The following OR7A17 variants were observed in gnomAD, a reference collection of about 807,000 sequenced individuals.
The protein encoded by OR7A17 is olfactory receptor 7A17.
For synonymous variants in OR7A17, 159 were observed against 142.1 expected (o/e 1.12, Z -0.85); for missense variants, 366 against 365.5 (o/e 1.00, Z -0.01).
In OR7A17 at chr19:14,885,450, T is replaced by A. The variant is rs138839973; in HGVS notation, c.-295+491A>T. Among the ~76,000 whole-genome samples the A allele has an allele frequency of 1.4e-4, 22 of 152,248 alleles. 1 individual carries two copies. The East Asian group carries it at 4.2e-3, about 29-fold the overall frequency. On this transcript the variant is annotated intron_variant, in intron 1 of 2. Transcript: ENST00000641113. ...AAAATCTCAGGATACAAAATCAATGTGCAAAAATCACAAGCATTCCTATAC... is the reference window on the plus strand; with the variant it reads ...AAAATCTCAGGATACAAAATCAATGAGCAAAAATCACAAGCATTCCTATAC...
At position 14,881,221 on chromosome 19, in the gene OR7A17, G is replaced by C; in HGVS notation, c.135C>G (p.Ile45Met). The change falls in exon 3 of 3, where the codon ATC becomes ATG. Residue 45 changes from isoleucine (I) to methionine (M), a missense_variant. Ile to Met is a conservative substitution (Grantham distance 10). Transcript: ENST00000641113. The part of the protein sequence containing the change: ...YLVTVLGNLL[I>M]ILATISDSHL... ...GGGAGTCTGAGATTGTGGCCAGGAT[G>C]ATGAGCAGATTCCCGAGCACAGTGA... The C allele has an allele frequency of 6.2e-7, 1 of 1,613,992 alleles. No homozygotes were observed. Among genetic ancestry groups the C allele is most frequent in the Non-Finnish European group, 8.5e-7 (1 of 1,179,978 alleles).
intron 1 of OR7A17, among the ~76,000 whole-genome samples, chr19:14,883,335 G>T (rs1170640265): frequency 6.6e-6 from 1 of 152,184 alleles, no homozygotes; most frequent in African/African-American, 2.4e-5. Context: ...AGCTACTCGG[G>T]GGGCTGAGGT....
At chr19:14,883,165 C>T (rs2045120428) in intron 1 of OR7A17, among the ~76,000 whole-genome samples, 1 of 152,210 alleles carries the variant, frequency 6.6e-6, no homozygotes, top group South Asian at 2.1e-4. Flanking sequence ...CCTGGCTGGG[C>T]ACCGTGGCTC....
chr19:14,885,296 G>A (rs2045130853), intron 1 of OR7A17, among the ~76,000 whole-genome samples: 1 of 152,180 alleles, frequency 6.6e-6, no homozygotes, highest in African/African-American at 2.4e-5. Context: ...GCAAGAGAAG[G>A]AAGTAAAGGG....
intron 1 of OR7A17, among the ~76,000 whole-genome samples, chr19:14,885,567 G>A (rs565233122): frequency 6.6e-6 from 1 of 152,214 alleles, no homozygotes; most frequent in South Asian, 2.1e-4. Flanking sequence ...AACCTACAAG[G>A]GATGTGAAGG....
In OR7A17 at chr19:14,880,559, T is replaced by C. The variant is rs1389874852; in HGVS notation, c.797A>G (p.His266Arg). 3.4e-5 allele frequency: 55 copies of C among 1,613,970 alleles called. 1 individual carries two copies. The highest frequency in any genetic ancestry group is 4.3e-5 in the Non-Finnish European group (51 of 1,180,026). Reference protein sequence around the residue: ...LGVYLTSAATHNSHTSATASV... With the variant: ...LGVYLTSAATRNSHTSATASV... Reference sequence around the variant, plus strand: ...GGCTGTTGCACTTGTGTGTGAGTTGTGGGTTGCAGCAGAAGTAAGGTACAC... The same window carrying C: ...GGCTGTTGCACTTGTGTGTGAGTTGCGGGTTGCAGCAGAAGTAAGGTACAC... The change falls in exon 3 of 3, where the codon CAC becomes CGC. Residue 266 changes from histidine (H) to arginine (R), a missense_variant. Transcript: ENST00000641113.
intron 1 of OR7A17, among the ~76,000 whole-genome samples, chr19:14,883,379 G>T (rs1397887863): frequency 2.0e-5 from 3 of 152,040 alleles, no homozygotes; most frequent in Non-Finnish European, 4.4e-5. Flanking sequence ...GGCGGAGGTT[G>T]CAGTGAGCTG....
In OR7A17 at chr19:14,881,413, GA is replaced by G. The variant is rs1340858348; in HGVS notation, c.-59del. On this transcript the variant is annotated 5_prime_UTR_variant, in exon 3 of 3. The change abolishes the stop of an existing upstream ORF in the 5' untranslated region. Transcript: ENST00000641113. ...ATTTATTTATTTATTTATTAACATA[GA>G]CAGGGTCTCTCACTCTGTTGCCAAC... 1 of 995,072 alleles carries G rather than the reference GA, an allele frequency of 1.0e-6. No homozygotes were observed. Among genetic ancestry groups the G allele is most frequent in the African/African-American group, 2.1e-5 (1 of 48,734 alleles). 61.6% of individuals were successfully genotyped at this position (995,072 alleles called of 1,614,324 possible).
Position 14,880,812 on chromosome 19 carries a change from T to A in OR7A17, c.544A>T (p.Asn182Tyr), listed in dbSNP as rs1409559942. 18 of 1,614,002 alleles carry A rather than the reference T, an allele frequency of 1.1e-5. No homozygotes were observed. Among genetic ancestry groups the A allele is most frequent in the Non-Finnish European group, 1.4e-5 (17 of 1,180,038 alleles). ...LEIPHFFCEL[N>Y]QVIHLACSDT... is the part of the protein sequence containing the mutation. ...GAACAGGCAAGGTGGATGACCTGAT[T>A]AAGTTCACAGAAAAAGTGGGGGATT... Residue 182 changes from asparagine (N) to tyrosine (Y), a missense_variant, in exon 3 of 3, where the codon AAT becomes TAT. By Grantham distance (143) the Asn-to-Tyr change is moderately radical. Transcript: ENST00000641113.
Position 14,880,259 on chromosome 19 carries a change from TA to T in OR7A17, c.*166del, listed in dbSNP as rs3833876. On this transcript the variant is annotated 3_prime_UTR_variant, in exon 3 of 3. Transcript: ENST00000641113. ...GGATATCAGAGAGCGGAAAGCTTTA[TA>T]AAGGAATACATTAAATTCTATGTCA... is the stretch of plus-strand genomic sequence containing the variant. 0.28 allele frequency: 118,654 copies of T among 426,178 alleles called. 18,196 individuals carry two copies. The highest frequency in any genetic ancestry group is 0.32 in the African/African-American group (15,089 of 47,858). 26.4% of individuals were successfully genotyped at this position (426,178 alleles called of 1,614,324 possible). A position where few individuals can be genotyped will look rare whatever the true frequency, so the allele number is the denominator to read the frequency against.
chr19:14,879,360 CA>C lies in OR7A17; in HGVS notation c.*1065del. ...CACTGCAACCTCCGTCTCCCGGGTT[CA>C]AACCATTCTCCTGCCTCAGTCTCCT... On this transcript the variant is annotated 3_prime_UTR_variant, in exon 3 of 3. Coordinates refer to ENST00000641113, the MANE Select transcript of OR7A17 (RefSeq NM_030901.2). The C allele has an allele frequency of 6.6e-6, 1 of 151,748 alleles. No homozygotes were observed. The highest frequency in any genetic ancestry group is 2.0e-4 in the East Asian group (1 of 5,042). The allele number at this position is 151,748 out of a possible 1,614,324, so 9.4% of individuals were successfully genotyped here. A position where few individuals can be genotyped will look rare whatever the true frequency, so the allele number is the denominator to read the frequency against.
In OR7A17 at chr19:14,881,154, A is replaced by G. The variant is rs1403334179; in HGVS notation, c.202T>C (p.Phe68Leu). Residue 68 changes from phenylalanine to leucine, a missense_variant, in exon 3 of 3, where the codon TTT (phenylalanine) becomes CTT (leucine). Transcript: ENST00000641113. ...GTGGAGATGAAACAGATGTCTGCAAAGGACAGGTTGGAGAGGAAGAAGTAC... is the reference window on the plus strand; with the variant it reads ...GTGGAGATGAAACAGATGTCTGCAAGGGACAGGTTGGAGAGGAAGAAGTAC... ...PMYFFLSNLS[F>L]ADICFISTTI... 6.2e-7 allele frequency: 1 copy of G among 1,614,006 alleles called. No individual in the cohort carries two copies. The highest frequency in any genetic ancestry group is 8.5e-7 in the Non-Finnish European group (1 of 1,180,036).
In OR7A17 at chr19:14,880,209, CAAAAAAAAA is replaced by C. The variant is rs3030635; in HGVS notation, c.*208_*216del. ...AAACATTGGGAAAGTAGGAAAATGA[CAAAAAAAAA>C]AAAAAAAAAAAGATTGGATATCAGA... On this transcript the variant is annotated 3_prime_UTR_variant, in exon 3 of 3. Coordinates refer to ENST00000641113, the MANE Select transcript of OR7A17 (RefSeq NM_030901.2). 9.9e-5 allele frequency: 17 copies of C among 172,118 alleles called. No homozygotes were observed. Among genetic ancestry groups the C allele is most frequent in the South Asian group, 3.6e-4 (2 of 5,492 alleles). 10.7% of individuals were successfully genotyped at this position (172,118 alleles called of 1,614,324 possible).
At position 14,879,631 on chromosome 19, in the gene OR7A17, A is replaced by G. The variant is rs2045096059; in HGVS notation, c.*795T>C. 2.0e-5 allele frequency: 3 copies of G among 152,210 alleles called. No individual in the cohort carries two copies. In the South Asian group the frequency reaches 6.2e-4, roughly 32 times the overall value. 9.4% of individuals were successfully genotyped at this position (152,210 alleles called of 1,614,324 possible). A position where few individuals can be genotyped will look rare whatever the true frequency, so the allele number is the denominator to read the frequency against. On this transcript the variant is annotated 3_prime_UTR_variant, in exon 3 of 3. Transcript: ENST00000641113. Reference sequence around the variant, plus strand: ...AGGCACGGTGGACACTGAACTGAATAGAGGACAGGACCCTAATGAGTAGGA... The same window carrying G: ...AGGCACGGTGGACACTGAACTGAATGGAGGACAGGACCCTAATGAGTAGGA...
intron 1 of OR7A17, among the ~76,000 whole-genome samples, chr19:14,882,929 T>A (rs2045119541): frequency 6.6e-6 from 1 of 152,230 alleles, no homozygotes; most frequent in Non-Finnish European, 1.5e-5. Context: ...ACCAGGCAAG[T>A]TGTCAATTTC....
rs1855725685 is a variant in OR7A17, at chr19:14,878,391, A to G, written c.*2035T>C. The G allele has an allele frequency of 6.6e-6, 1 of 152,246 alleles. No individual in the cohort carries two copies. The highest frequency in any genetic ancestry group is 2.4e-5 in the African/African-American group (1 of 41,470). 9.4% of individuals were successfully genotyped at this position (152,246 alleles called of 1,614,324 possible). A position where few individuals can be genotyped will look rare whatever the true frequency, so the allele number is the denominator to read the frequency against. On this transcript the variant is annotated 3_prime_UTR_variant, in exon 3 of 3. Transcript: ENST00000641113. ...AAGAGAGTTAGAGTATAAAAGAGACAAATGAACTGATGATAAGTTAAATAC... is the reference window on the plus strand; with the variant it reads ...AAGAGAGTTAGAGTATAAAAGAGACGAATGAACTGATGATAAGTTAAATAC...
chr19:14,882,472 C>A (rs561816900), intron 1 of OR7A17, among the ~76,000 whole-genome samples: 2 of 152,330 alleles, frequency 1.3e-5, no homozygotes, highest in East Asian at 3.9e-4. Flanking sequence ...ACAGAATGTG[C>A]TTCTTTCAGA....
At chr19:14,881,967 G>C (rs2045114646) in intron 1 of OR7A17, 96 bp from the exon 2 acceptor site, 1 of 152,004 alleles carries the variant, frequency 6.6e-6, no homozygotes, top group Admixed American at 6.6e-5. Context: ...CAATTGCCCT[G>C]GCCTCTAGTA....
chr19:14,881,885 AT>A lies in OR7A17; in HGVS notation c.-294-15del, dbSNP rs1418785328. 6.6e-6 allele frequency: 1 copy of A among 152,226 alleles called. No individual in the cohort carries two copies. Among genetic ancestry groups the A allele is most frequent in the Non-Finnish European group, 1.5e-5 (1 of 68,056 alleles). 9.4% of individuals were successfully genotyped at this position (152,226 alleles called of 1,614,324 possible). A position where few individuals can be genotyped will look rare whatever the true frequency, so the allele number is the denominator to read the frequency against. On this transcript the variant is annotated splice_polypyrimidine_tract_variant and intron_variant, in intron 1 of 2. Coordinates refer to ENST00000641113, the MANE Select transcript of OR7A17 (RefSeq NM_030901.2). Reference sequence around the variant, plus strand: ...ATATTCACCATGCTGTAAAATAAATATTTTGAAGTTATTCCTTCTATCTAAT... The same window carrying A: ...ATATTCACCATGCTGTAAAATAAATATTTGAAGTTATTCCTTCTATCTAAT...
Sources: allele counts gnomAD v4.1 joint callset (sites outside exome capture counted in the v4.1 genomes callset), GRCh38; gene constraint gnomAD v4.1.1; transcripts MANE v1.5; gene names NCBI Gene and HGNC (gene_info 2026-07-23, HGNC 2026-07-21).